The following MEGF10 variants were observed in gnomAD, a reference collection of about 807,000 sequenced individuals.
MEGF10 encodes the protein multiple epidermal growth factor-like domains protein 10.
In MEGF10, 86 loss-of-function variants were observed where a neutral mutation model predicts 147.5. The observed-to-expected ratio is 0.58, with a 90% CI of 0.49 to 0.70. The LOEUF (loss-of-function observed/expected upper bound fraction) is 0.70, where lower values mean the gene tolerates loss of function less well. Ranked by LOEUF, MEGF10 falls within the 30% of genes least tolerant of loss-of-function variation. MEGF10 has a pLI of 0.00. For synonymous variants in MEGF10, 478 were observed against 525.5 expected, an observed-to-expected ratio of 0.91 and a Z score of 1.24; for missense variants, 1,329 against 1,487.3, an observed-to-expected ratio of 0.89 and a Z score of 1.75.
chr5:127,318,235 G>C (rs141564194), intron 1 of MEGF10, among the ~76,000 whole-genome samples: 9 of 152,234 alleles, frequency 5.9e-5, no homozygotes, highest in Non-Finnish European at 7.4e-5. Context: ...TGGACTTCCA[G>C]CCTCCAGAAC....
At chr5:127,247,406 A>AG in the MEGF10 span, among the ~76,000 whole-genome samples, 1 of 67,212 alleles carries the variant, frequency 1.5e-5, no homozygotes, top group Non-Finnish European at 2.9e-5. Flanking sequence ...AAGAAGAAGA[A>AG]GAAGAAGAAG....
At chr5:127,334,080 A>G (rs553476855) in intron 2 of MEGF10, among the ~76,000 whole-genome samples, 16 of 152,184 alleles carry the variant, frequency 1.1e-4, no homozygotes, top group Admixed American at 3.9e-4. Flanking sequence ...AATTGTTTTG[A>G]TAAGAATGGG....
At chr5:127,331,249 C>A in intron 1 of MEGF10, 42 bp from the exon 2 acceptor site, 2 of 1,029,070 alleles carry the variant, frequency 1.9e-6, no homozygotes, top group South Asian at 1.4e-5. Context: ...CTGTGTGAGT[C>A]ATTTCAATGC....
chr5:127,246,123 A>G, the MEGF10 span, among the ~76,000 whole-genome samples: 1 of 152,238 alleles, frequency 6.6e-6, no homozygotes, highest in African/African-American at 2.4e-5. Flanking sequence ...TCAAAGGATT[A>G]TAAATCATTC....
rs1158253488 is a variant in MEGF10 at position 127,433,343 on chromosome 5, C to T, written c.1694-20C>T. The T allele has an allele frequency of 6.2e-7, 1 of 1,614,154 alleles. No individual in the cohort carries two copies. The highest frequency in any genetic ancestry group is 8.5e-7 in the Non-Finnish European group (1 of 1,180,034). ...CCGCACTGCCTCTCACTCAGCCTTG[C>T]CCCATGTGCATTATTTCAGGTGTCC... On this transcript the variant is annotated intron_variant, in intron 13 of 24. Coordinates refer to ENST00000503335, the MANE Select transcript of MEGF10 (RefSeq NM_001256545.2).
intron 1 of MEGF10, among the ~76,000 whole-genome samples, chr5:127,304,830 G>A (rs1466820025): frequency 6.6e-6 from 1 of 152,038 alleles, no homozygotes; most frequent in Non-Finnish European, 1.5e-5. Flanking sequence ...TCAGAAGGAT[G>A]CCTCGAAGCT....
At chr5:127,421,226 A>T (rs1455198314) in intron 12 of MEGF10, among the ~76,000 whole-genome samples, 1 of 152,214 alleles carries the variant, frequency 6.6e-6, no homozygotes, top group African/African-American at 2.4e-5. Context: ...CATACCTTAG[A>T]GGAGTTAGTA....
At chr5:127,303,698 C>T (rs1759880259) in intron 1 of MEGF10, among the ~76,000 whole-genome samples, 1 of 152,120 alleles carries the variant, frequency 6.6e-6, no homozygotes, top group South Asian at 2.1e-4. Flanking sequence ...CTTCTATGTC[C>T]AGTGGACAAA....
chr5:127,435,418 A>G lies in MEGF10; in HGVS notation c.2033A>G (p.Asn678Ser). Residue 678 changes from asparagine to serine, a missense_variant, in exon 16 of 25, where the codon AAC becomes AGC. Asn to Ser is a conservative substitution (Grantham distance 46, BLOSUM62 1). Around this residue, in one of 3 missense-constraint regions of MEGF10, gnomAD observed 980 missense variants for 1,085.9 expected, o/e 0.90. Coordinates refer to ENST00000503335, the MANE Select transcript of MEGF10 (RefSeq NM_001256545.2). ...GCAGGAATTTGTACCTGCACCAACAACGGAACCTGTAACCCCATTGACAGA... is the reference window on the plus strand; with the variant it reads ...GCAGGAATTTGTACCTGCACCAACAGCGGAACCTGTAACCCCATTGACAGA... ...NCAGICTCTNNGTCNPIDRSC... is the reference protein window; with the variant it reads ...NCAGICTCTNSGTCNPIDRSC... 5 of 1,614,070 alleles carry G rather than the reference A, an allele frequency of 3.1e-6. No individual in the cohort carries two copies. Among genetic ancestry groups the G allele is most frequent in the Non-Finnish European group, 4.2e-6 (5 of 1,180,004 alleles).
intron 5 of MEGF10, among the ~76,000 whole-genome samples, chr5:127,372,516 T>C (rs1762883714): frequency 6.6e-6 from 1 of 152,190 alleles, no homozygotes; most frequent in African/African-American, 2.4e-5. Context: ...GTCCTCTTTC[T>C]CTTCCGGATT....
chr5:127,437,292 T>A (rs1421798126), intron 16 of MEGF10, among the ~76,000 whole-genome samples: 1 of 152,226 alleles, frequency 6.6e-6, no homozygotes, highest in Non-Finnish European at 1.5e-5. Flanking sequence ...TACGAGTCAC[T>A]ATTAACCTTT....
At chr5:127,320,251 T>C (rs1456426958) in intron 1 of MEGF10, among the ~76,000 whole-genome samples, 2 of 152,034 alleles carry the variant, frequency 1.3e-5, no homozygotes, top group Non-Finnish European at 2.9e-5. Context: ...CCTGTCATTG[T>C]CTCCACCTGC....
At chr5:127,434,958 T>C in intron 15 of MEGF10, 137 bp downstream of exon 15, 2 of 1,230,954 alleles carry the variant, frequency 1.6e-6, no homozygotes, top group Non-Finnish European at 1.1e-6. Flanking sequence ...GTGCTGTGTC[T>C]GCAGCTTCTC....
chr5:127,361,190 T>C (rs1762458926), intron 4 of MEGF10, among the ~76,000 whole-genome samples: 1 of 151,992 alleles, frequency 6.6e-6, no homozygotes, highest in South Asian at 2.1e-4. Context: ...TTTTTTAAAA[T>C]GGGAAAGCTT....
chr5:127,357,923 C>G (rs1348570126), intron 4 of MEGF10, among the ~76,000 whole-genome samples: 1 of 152,158 alleles, frequency 6.6e-6, no homozygotes, highest in Non-Finnish European at 1.5e-5. Context: ...CAAGTGCTCC[C>G]TGAATTTCCC....
the MEGF10 span, among the ~76,000 whole-genome samples, chr5:127,237,666 A>G: frequency 1.8e-4 from 27 of 152,284 alleles, no homozygotes; most frequent in African/African-American, 5.3e-4. Context: ...TACAGCAGGA[A>G]GAAGCCCAGA....
the MEGF10 span, among the ~76,000 whole-genome samples, chr5:127,274,254 A>G: frequency 6.6e-6 from 1 of 152,216 alleles, no homozygotes; most frequent in Non-Finnish European, 1.5e-5. Flanking sequence ...TAAAAGAGCT[A>G]ACAACCAAAT....
Position 127,443,081 on chromosome 5 carries a change from A to T in MEGF10, c.2446A>T (p.Thr816Ser), listed in dbSNP as rs1765816380. ...CTCCACCTGCGACCACATCACTGGG[A>T]CCTGTTACTGCAGCCCCGGATGGAA... The part of the protein sequence containing the change: ...NNSTCDHITG[T>S]CYCSPGWKGA... Residue 816 changes from threonine to serine, a missense_variant, in exon 19 of 25, where the codon ACC becomes TCC. Physicochemically the swap from Thr to Ser is moderately conservative, Grantham distance 58. This residue lies in a region of MEGF10 where 980 missense variants were observed against 1,085.9 expected (regional missense o/e 0.90). Coordinates refer to ENST00000503335, the MANE Select transcript of MEGF10 (RefSeq NM_001256545.2). 1.9e-6 allele frequency: 3 copies of T among 1,613,780 alleles called. No individual in the cohort carries two copies. The highest frequency in any genetic ancestry group is 2.5e-6 in the Non-Finnish European group (3 of 1,179,736).
chr5:127,455,132 C>T (rs182055369), intron 23 of MEGF10, among the ~76,000 whole-genome samples: 129 of 151,930 alleles, frequency 8.5e-4, no homozygotes, highest in Non-Finnish European at 9.1e-4. Context: ...TAAAACAAAA[C>T]GTAATTGATT....
Sources: allele counts gnomAD v4.1 joint callset (sites outside exome capture counted in the v4.1 genomes callset), GRCh38; gene constraint gnomAD v4.1.1; regional missense constraint gnomAD v4.1.1; transcripts MANE v1.5; gene names NCBI Gene and HGNC (gene_info 2026-07-23, HGNC 2026-07-21).